The following HYDIN variants were observed in gnomAD, a reference collection of about 807,000 sequenced individuals.
HYDIN encodes axonemal central pair apparatus protein HYDIN.
A neutral mutation model predicts 403.9 loss-of-function variants in HYDIN; 132 were observed. That is an observed-to-expected ratio of 0.33 (90% CI 0.28 to 0.38). The LOEUF (loss-of-function observed/expected upper bound fraction) is 0.38, where lower values mean the gene tolerates loss of function less well. HYDIN is among the 10% of genes least tolerant of loss of function. The pLI is 1.00. For synonymous variants in HYDIN, 1,202 were observed against 1,891.7 expected, an observed-to-expected ratio of 0.64 and a Z score of 9.46; for missense variants, 2,827 against 5,009.5, an observed-to-expected ratio of 0.56 and a Z score of 13.15.
intron 58 of HYDIN, among the ~76,000 whole-genome samples, chr16:70,887,554 G>C (rs945084336): frequency 1.6e-4 from 25 of 152,150 alleles, no homozygotes; most frequent in Admixed American, 1.2e-3. Flanking sequence ...TAGCACTTCT[G>C]ACCTACAGAA....
chr16:71,013,551 T>TA (rs1349628282), intron 23 of HYDIN, among the ~76,000 whole-genome samples: 4 of 151,782 alleles, frequency 2.6e-5, no homozygotes, highest in Non-Finnish European at 5.9e-5. Flanking sequence ...CTGTGGTGCA[T>TA]GCGTGGAAGC....
intron 23 of HYDIN, among the ~76,000 whole-genome samples, chr16:71,010,334 A>T (rs9923076): frequency 0.024 from 3,660 of 152,308 alleles, 136 homozygotes; most frequent in African/African-American, 0.082. Context: ...TGAGGAAGAC[A>T]GGATGTTTAT....
chr16:71,182,760 T>C (rs937471943), intron 3 of HYDIN, among the ~76,000 whole-genome samples: 3 of 152,064 alleles, frequency 2.0e-5, no homozygotes, highest in Non-Finnish European at 2.9e-5. Flanking sequence ...AAGTAGAATT[T>C]AAAGCCTTTT....
At chr16:71,186,979 AT>A (rs1267077236) in intron 1 of HYDIN, 61 bp from the exon 2 acceptor site, 54 of 1,106,534 alleles carry the variant, frequency 4.9e-5, no homozygotes, top group African/African-American at 6.3e-5. Flanking sequence ...ACAGGTCATA[AT>A]TTTTTTTAAG....
rs777618275 is a variant in HYDIN at position 70,807,786 on chromosome 16, T to C, written c.15160A>G (p.Ile5054Val). The change falls in exon 86 of 86, where the codon ATC (isoleucine) becomes GTC (valine). Residue 5054 changes from isoleucine (I) to valine (V), a missense_variant. Ile to Val is a conservative substitution (Grantham distance 29). Transcript: ENST00000393567. ...GTGAAGGCTGGGTTATCCACGATGATGGAGAAGGTCACCATGTGATAGAAG... is the reference window on the plus strand; with the variant it reads ...GTGAAGGCTGGGTTATCCACGATGACGGAGAAGGTCACCATGTGATAGAAG... ...NVFYHMVTFS[I>V]IVDNPAFTIR... 8.1e-6 allele frequency: 13 copies of C among 1,614,164 alleles called. No individual in the cohort carries two copies. The highest frequency in any genetic ancestry group is 1.6e-4 in the Middle Eastern group (1 of 6,062).
At chr16:71,044,833 C>T (rs1022223) in intron 18 of HYDIN, among the ~76,000 whole-genome samples, 42,106 of 125,604 alleles carry the variant, frequency 0.34, 8,188 homozygotes, top group Non-Finnish European at 0.42. Flanking sequence ...TAAGACTAAC[C>T]ATTGGATATT....
Position 70,832,991 on chromosome 16 carries a change from C to G in HYDIN, c.13756G>C (p.Glu4586Gln). The G allele has an allele frequency of 6.2e-7, 1 of 1,614,156 alleles. No homozygotes were observed. The highest frequency in any genetic ancestry group is 1.1e-5 in the South Asian group (1 of 91,082). ...TGGTAGGTCACTTCAAAAGAAACCT[C>G]CATGCCTGAGGTAATATAGCCTTCT... The part of the protein sequence containing the change: ...PEEGYITSGM[E>Q]VSFEVTYHPT... Residue 4586 changes from glutamate (E) to glutamine (Q), a missense_variant, in exon 80 of 86, where the codon GAG (glutamate) becomes CAG (glutamine). Transcript: ENST00000393567.
In HYDIN at chr16:71,088,355, T is replaced by C; in HGVS notation, c.1616A>G (p.Glu539Gly). 1.9e-6 allele frequency: 1 copy of C among 539,546 alleles called. No homozygotes were observed. 33.4% of individuals were successfully genotyped at this position (539,546 alleles called of 1,614,324 possible). A position where few individuals can be genotyped will look rare whatever the true frequency, so the allele number is the denominator to read the frequency against. ...FSSTILGNFE[E>G]EFLVNVNGSP... is the part of the protein sequence containing the mutation. The stretch of plus-strand genomic sequence containing the variant: ...CCCATTGACATTGACCAGGAACTCT[T>C]CTTCAAAGTTTCCCAGGATGGTAGA... The change falls in exon 12 of 86, where the codon GAA becomes GGA. Residue 539 changes from glutamate (E) to glycine (G), a missense_variant. By Grantham distance (98) the Glu-to-Gly change is moderately conservative (BLOSUM62 -2). Transcript: ENST00000393567.
At chr16:70,867,671 T>C (rs2039839265) in intron 66 of HYDIN, among the ~76,000 whole-genome samples, 1 of 144,426 alleles carries the variant, frequency 6.9e-6, no homozygotes, top group Non-Finnish European at 1.5e-5. Flanking sequence ...ACTAATAATA[T>C]ATGTTTTATT....
rs1434029952 is a variant in HYDIN at position 70,803,897 on chromosome 16, A to G, written c.*3683T>C. Reference sequence around the variant, plus strand: ...GCCCCATTCCCATGGTATTCTGTGCACAGTGCTCCTTGGAGTTCTGCCACA... The same window carrying G: ...GCCCCATTCCCATGGTATTCTGTGCGCAGTGCTCCTTGGAGTTCTGCCACA... On this transcript the variant is annotated 3_prime_UTR_variant, in exon 86 of 86. Transcript: ENST00000393567. Among the ~76,000 whole-genome samples the G allele has an allele frequency of 6.6e-6, 1 of 152,120 alleles. No individual in the cohort carries two copies. Among genetic ancestry groups the G allele is most frequent in the Non-Finnish European group, 1.5e-5 (1 of 68,010 alleles).
intron 18 of HYDIN, among the ~76,000 whole-genome samples, chr16:71,055,779 G>A (rs920808857): frequency 4.6e-5 from 7 of 151,788 alleles, no homozygotes; most frequent in Non-Finnish European, 7.4e-5. Context: ...TGCCATCTGA[G>A]TCCCAAGGTG....
Position 70,879,664 on chromosome 16 carries a change from G to C in HYDIN, c.10308C>G (p.Thr3436=), listed in dbSNP as rs1216111104. The C allele has an allele frequency of 6.3e-7, 1 of 1,579,218 alleles. No homozygotes were observed. Among genetic ancestry groups the C allele is most frequent in the African/African-American group, 1.4e-5 (1 of 70,320 alleles). The change falls in exon 61 of 86, where the codon ACC becomes ACG. Residue 3436 remains threonine, a synonymous_variant. Coordinates refer to ENST00000393567, the MANE Select transcript of HYDIN (RefSeq NM_001270974.2). The part of the protein sequence containing the change: ...HSHAFATVSF[T]PQIMQNYQCI... ...ACTGGTAGTTCTGCATGATCTGCGG[G>C]GTGAAGGACACCGTGGCAAAGGCAT...
chr16:71,084,248 C>CAT (rs2082868447), intron 12 of HYDIN, among the ~76,000 whole-genome samples: 38 of 151,536 alleles, frequency 2.5e-4, no homozygotes, highest in Admixed American at 2.4e-3. Context: ...TTGACAGTAT[C>CAT]CCCTTTGAAG....
In HYDIN at chr16:70,904,025, T is replaced by A; in HGVS notation, c.8556A>T (p.Leu2852=). Residue 2852 remains leucine (L), a synonymous_variant, in exon 51 of 86, where the codon CTA becomes CTT. Transcript: ENST00000393567. ...SSLFPGNMET[L]TILNTSLMVV... ...CCATTAAGGAAGTGTTCAGGATTGT[T>A]AGCGTCTCCATGTTGCCTGGGAATA... The A allele has an allele frequency of 7.4e-7, 1 of 1,359,190 alleles. No homozygotes were observed. Among genetic ancestry groups the A allele is most frequent in the South Asian group, 1.3e-5 (1 of 76,266 alleles). 84.2% of individuals were successfully genotyped at this position (1,359,190 alleles called of 1,614,324 possible).
intron 6 of HYDIN, among the ~76,000 whole-genome samples, chr16:71,158,690 T>C (rs924736808): frequency 1.3e-5 from 2 of 150,244 alleles, no homozygotes; most frequent in Non-Finnish European, 3.0e-5. Context: ...TTTTTTTTTT[T>C]TTTTTTTTTG....
chr16:70,961,132 G>T (rs1416668413), intron 38 of HYDIN, among the ~76,000 whole-genome samples: 2 of 152,016 alleles, frequency 1.3e-5, no homozygotes, highest in Admixed American at 6.6e-5. Flanking sequence ...CTTCTACGTG[G>T]GATGTCCAGG....
chr16:70,971,513 G>T (rs1303441156), intron 35 of HYDIN, among the ~76,000 whole-genome samples: 1 of 151,926 alleles, frequency 6.6e-6, no homozygotes, highest in Admixed American at 6.6e-5. Flanking sequence ...GACTCTGTAG[G>T]GGCAGAGTAA....
At position 70,948,248 on chromosome 16, in the gene HYDIN, A is replaced by G. The variant is rs1282091930; in HGVS notation, c.6531+4173T>C. Among the ~76,000 whole-genome samples, 61 of 150,522 alleles carry G rather than the reference A, an allele frequency of 4.1e-4. 1 individual carries two copies. Among genetic ancestry groups the G allele is most frequent in the African/African-American group, 1.4e-3 (56 of 41,180 alleles). ...ATAAATGGTGCTGGGAAAACTGGCT[A>G]GCCATATGTAGAAAGCTGAAACTGG... On this transcript the variant is annotated intron_variant, in intron 41 of 85. Transcript: ENST00000393567.
At chr16:71,145,675 T>C (rs2085341856) in intron 7 of HYDIN, among the ~76,000 whole-genome samples, 1 of 152,192 alleles carries the variant, frequency 6.6e-6, no homozygotes. Context: ...CCAGGGAGGC[T>C]GGCAAAATGC....
Sources: gnomAD v4.1 joint callset for allele counts (sites outside exome capture counted in the v4.1 genomes callset) on GRCh38, gnomAD v4.1.1 for gene constraint, MANE v1.5 for transcripts, NCBI Gene and HGNC (gene_info 2026-07-23, HGNC 2026-07-21) for gene names.